Variants in ADGRL2 observed in about 807,000 individuals in gnomAD.
ADGRL2 encodes the protein calcium-independent alpha-latrotoxin receptor 2.
In ADGRL2, 44 loss-of-function variants were observed where a neutral mutation model predicts 157.4. The ratio of observed to expected loss-of-function variants is 0.28; its 90% CI spans 0.22 to 0.36. The LOEUF (loss-of-function observed/expected upper bound fraction) is 0.36. ADGRL2 is among the 10% of genes least tolerant of loss of function. The pLI is 1.00. For missense variants in ADGRL2, 1,510 were observed against 1,768.9 expected (o/e 0.85, Z 2.63); for synonymous variants, 585 against 624.7 (o/e 0.94, Z 0.95).
intron 1 of ADGRL2, among the ~76,000 whole-genome samples, chr1:81,361,982 C>T (rs911980260): frequency 1.8e-4 from 27 of 151,862 alleles, no homozygotes; most frequent in Middle Eastern, 3.4e-3. Context: ...CCTCCATTCC[C>T]GGAAAGCCCT....
chr1:81,830,389 T>G (rs2091859925), intron 1 of ADGRL2, among the ~76,000 whole-genome samples: 1 of 152,234 alleles, frequency 6.6e-6, no homozygotes, highest in South Asian at 2.1e-4. Context: ...AACACTATAT[T>G]GACATAGTTT....
intron 3 of ADGRL2, among the ~76,000 whole-genome samples, chr1:81,584,890 T>C (rs1289581095): frequency 6.6e-6 from 1 of 152,168 alleles, no homozygotes. Flanking sequence ...TTCAAGTTTC[T>C]TGCTCTATTT....
At chr1:81,645,085 C>G (rs573757032) in intron 3 of ADGRL2, among the ~76,000 whole-genome samples, 1 of 152,034 alleles carries the variant, frequency 6.6e-6, no homozygotes, top group African/African-American at 2.4e-5. Flanking sequence ...TGCATTTTCT[C>G]TCTTATGAAA....
chr1:81,907,556 A>G (rs140981383), intron 3 of ADGRL2, among the ~76,000 whole-genome samples: 1,714 of 152,274 alleles, frequency 0.011, 27 homozygotes, highest in South Asian at 0.06. Context: ...TTTTTGTAAC[A>G]TCAAGAATGT....
At chr1:81,538,457 G>T (rs2079799403) in intron 2 of ADGRL2, among the ~76,000 whole-genome samples, 2 of 152,188 alleles carry the variant, frequency 1.3e-5, no homozygotes, top group Admixed American at 1.3e-4. Flanking sequence ...GGAAATGCAT[G>T]CTTCTTTCTT....
At chr1:81,941,179 T>TA (rs1647814725) in intron 4 of ADGRL2, among the ~76,000 whole-genome samples, 2 of 86,500 alleles carry the variant, frequency 2.3e-5, no homozygotes, top group South Asian at 1.1e-3. Context: ...GTATTTTGCT[T>TA]ACTTTTTTTA....
chr1:81,655,595 C>T (rs182827349), intron 3 of ADGRL2, among the ~76,000 whole-genome samples: 64 of 152,202 alleles, frequency 4.2e-4, no homozygotes, highest in African/African-American at 1.5e-3. Context: ...TTCTTTTTTG[C>T]TTTTACCTAT....
intron 3 of ADGRL2, among the ~76,000 whole-genome samples, chr1:81,929,981 T>G (rs1316395119): frequency 6.6e-6 from 1 of 152,188 alleles, no homozygotes; most frequent in Non-Finnish European, 1.5e-5. Flanking sequence ...AATACATTGC[T>G]TATGGACTCA....
chr1:81,868,301 G>A (rs1389569842), intron 2 of ADGRL2, among the ~76,000 whole-genome samples: 2 of 152,014 alleles, frequency 1.3e-5, no homozygotes, highest in Non-Finnish European at 2.9e-5. Context: ...CTACAAAGGT[G>A]GTTGCTTTGT....
At position 81,375,916 on chromosome 1, in the gene ADGRL2, T is replaced by C. The variant is rs77433480; in HGVS notation, c.-301-69120T>C. Among the ~76,000 whole-genome samples the C allele has an allele frequency of 9.1e-3, 1,383 of 152,326 alleles. 20 individuals carry two copies. The highest frequency in any genetic ancestry group is 0.047 in the South Asian group (229 of 4,830). ...AGCAAGAATACATCCTTTGACATTC[T>C]GTTAATTAGAACAAAGTACCCATAT... is the stretch of plus-strand genomic sequence containing the variant. On this transcript the variant is annotated intron_variant, in intron 1 of 24. Transcript: ENST00000370721.
chr1:81,808,578 T>C (rs2149605539), intron 1 of ADGRL2, among the ~76,000 whole-genome samples: 1 of 152,244 alleles, frequency 6.6e-6, no homozygotes, highest in African/African-American at 2.4e-5. Flanking sequence ...CTTTTCCATA[T>C]TCCTTGGATT....
At chr1:81,710,761 A>T (rs568051117) in intron 1 of ADGRL2, among the ~76,000 whole-genome samples, 13 of 150,896 alleles carry the variant, frequency 8.6e-5, no homozygotes, top group South Asian at 8.5e-4. Flanking sequence ...CCTTGCACAG[A>T]TACTAGATGC....
intron 3 of ADGRL2, among the ~76,000 whole-genome samples, chr1:81,928,961 G>A (rs2095169761): frequency 1.3e-5 from 2 of 152,096 alleles, no homozygotes; most frequent in East Asian, 1.9e-4. Context: ...TGAATAAATA[G>A]CCACTAAAAT....
At chr1:81,697,290 C>T (rs1262926468), upstream of ADGRL2, among the ~76,000 whole-genome samples, 1 of 152,166 alleles carries the variant, frequency 6.6e-6, no homozygotes, top group Non-Finnish European at 1.5e-5. Context: ...GTCATAAGGA[C>T]ACTGTGTTTC....
At chr1:81,639,023 G>A (rs2082166299) in intron 3 of ADGRL2, among the ~76,000 whole-genome samples, 1 of 152,098 alleles carries the variant, frequency 6.6e-6, no homozygotes, top group Non-Finnish European at 1.5e-5. Flanking sequence ...AAAGCAGCAA[G>A]ACCCAAGACC....
intron 2 of ADGRL2, among the ~76,000 whole-genome samples, chr1:81,842,505 C>G (rs1047910726): frequency 2.0e-5 from 3 of 151,652 alleles, no homozygotes; most frequent in Admixed American, 2.0e-4. Context: ...TTACAGGCAC[C>G]TGCCACCATG....
intron 3 of ADGRL2, among the ~76,000 whole-genome samples, chr1:81,626,196 T>G (rs527679253): frequency 9.7e-4 from 148 of 152,336 alleles, no homozygotes; most frequent in Non-Finnish European, 1.7e-3. Context: ...CTCCACCCTT[T>G]TCCACACCTT....
chr1:81,702,057 T>C (rs72718841), intron 1 of ADGRL2, among the ~76,000 whole-genome samples: 15,954 of 152,194 alleles, frequency 0.1, 967 homozygotes, highest in Admixed American at 0.13. Context: ...GTCTTGAGGG[T>C]TGAATGGAAA....
intron 1 of ADGRL2, among the ~76,000 whole-genome samples, chr1:81,406,877 C>T (rs2076863415): frequency 6.6e-6 from 1 of 152,162 alleles, no homozygotes; most frequent in Non-Finnish European, 1.5e-5. Context: ...TCAGGAACAG[C>T]TTGTGACGAG....
Sources: gnomAD v4.1 joint callset for allele counts (sites outside exome capture counted in the v4.1 genomes callset) on GRCh38, gnomAD v4.1.1 for gene constraint, MANE v1.5 for transcripts, NCBI Gene and HGNC (gene_info 2026-07-23, HGNC 2026-07-21) for gene names.